The following SPTBN4 variants were observed in gnomAD, a reference collection of about 807,000 sequenced individuals.
SPTBN4 encodes the protein spectrin beta chain, non-erythrocytic 4.
Under a neutral mutation model 277.8 loss-of-function variants are expected in SPTBN4, and 96 were observed. The observed-to-expected ratio is 0.35, with a 90% CI of 0.29 to 0.41. SPTBN4 has a LOEUF of 0.41. Among genes scored for constraint, SPTBN4 ranks in the 10% least tolerant of loss-of-function variants. The probability of loss-of-function intolerance (pLI) is 1.00; values close to 1 mark genes in which losing one functional copy is unlikely to be tolerated. For synonymous variants in SPTBN4, 1,481 were observed against 1,580.3 expected (o/e 0.94, Z 1.49); for missense variants, 3,006 against 3,595.7 (o/e 0.84, Z 4.19).
intron 17 of SPTBN4, among the ~76,000 whole-genome samples, chr19:40,525,378 A>C (rs1173944454): frequency 2.1e-5 from 3 of 142,100 alleles, no homozygotes; most frequent in African/African-American, 8.0e-5. Context: ...GCTGGAGTGC[A>C]GTGGTGCAAT....
In SPTBN4 at chr19:40,487,742, A is replaced by G. The variant is rs2080088634; in HGVS notation, c.215A>G (p.Asn72Ser). The change falls in exon 3 of 36, where the codon AAC (asparagine) becomes AGC (serine). Residue 72 changes from asparagine to serine, a missense_variant. Physicochemically the swap from Asn to Ser is conservative, Grantham distance 46. Transcript: ENST00000598249. ...VQKKTFTKWVNSHLARVGCHI... is the reference protein window; with the variant it reads ...VQKKTFTKWVSSHLARVGCHI... ...AAGAAAACCTTCACCAAGTGGGTGA[A>G]CTCGCACCTCGCCCGCGTGGGCTGC... is the stretch of plus-strand genomic sequence containing the variant. 2.5e-6 allele frequency: 4 copies of G among 1,612,810 alleles called. No homozygotes were observed. The highest frequency in any genetic ancestry group is 3.4e-6 in the Non-Finnish European group (4 of 1,179,644).
chr19:40,567,059 A>G, intron 30 of SPTBN4: 1 of 451,370 alleles, frequency 2.2e-6, no homozygotes, highest in Admixed American at 2.4e-5. Context: ...AGGCGGGAGG[A>G]TCACTTGAAC....
intron 2 of SPTBN4, among the ~76,000 whole-genome samples, chr19:40,484,179 A>G (rs997921641): frequency 4.6e-5 from 7 of 152,294 alleles, no homozygotes; most frequent in Non-Finnish European, 8.8e-5. Flanking sequence ...CATTCTTTCC[A>G]TATTTTGTAC....
chr19:40,497,874 C>A (rs1032754269), intron 7 of SPTBN4, among the ~76,000 whole-genome samples: 9 of 151,488 alleles, frequency 5.9e-5, no homozygotes, highest in Admixed American at 3.3e-4. Flanking sequence ...CTTCCCCATT[C>A]TCAATTTCCA....
At chr19:40,548,887 C>T (rs2080885776) in intron 20 of SPTBN4, among the ~76,000 whole-genome samples, 1 of 152,282 alleles carries the variant, frequency 6.6e-6, no homozygotes, top group Admixed American at 6.5e-5. Context: ...AATTAATGGA[C>T]CACTTTAGTT....
Position 40,566,181 on chromosome 19 carries a change from T to A in SPTBN4, c.6158T>A (p.Phe2053Tyr). ...TCCTCAGTGCTGGAGGTGCACCAGT[T>A]TGCCCAGGAGGCGGTGGTGGCTGAT... ...WLQQMLEVHQ[F>Y]AQEAVVADAW... is the part of the protein sequence containing the mutation. The change falls in exon 30 of 36, where the codon TTT (phenylalanine) becomes TAT (tyrosine). Residue 2053 changes from phenylalanine to tyrosine, a missense_variant. By Grantham distance (22) the Phe-to-Tyr change is conservative. Coordinates refer to ENST00000598249, the MANE Select transcript of SPTBN4 (RefSeq NM_020971.3). The A allele has an allele frequency of 6.5e-7, 1 of 1,533,642 alleles. No individual in the cohort carries two copies. The highest frequency in any genetic ancestry group is 8.8e-7 in the Non-Finnish European group (1 of 1,136,194).
At chr19:40,562,252 G>A (rs1298138147) in intron 27 of SPTBN4, among the ~76,000 whole-genome samples, 1 of 152,100 alleles carries the variant, frequency 6.6e-6, no homozygotes, top group East Asian at 1.9e-4. Context: ...AAAATAGGCC[G>A]GGCATGGTGG....
intron 5 of SPTBN4, among the ~76,000 whole-genome samples, chr19:40,494,573 C>G (rs921932934): frequency 1.6e-4 from 25 of 151,932 alleles, no homozygotes; most frequent in African/African-American, 5.8e-4. Context: ...TATCTTCTAT[C>G]AATCTATATA....
chr19:40,509,643 G>A (rs890328983), intron 13 of SPTBN4, among the ~76,000 whole-genome samples: 7 of 152,224 alleles, frequency 4.6e-5, no homozygotes, highest in African/African-American at 1.7e-4. Flanking sequence ...AGGAAACTGA[G>A]GCCCAGGCCA....
chr19:40,473,968 C>G (rs1243012504), intron 2 of SPTBN4, among the ~76,000 whole-genome samples: 1 of 150,192 alleles, frequency 6.7e-6, no homozygotes, highest in African/African-American at 2.4e-5. Context: ...ATAGTGAAAC[C>G]CTGTCTCTAC....
chr19:40,565,295 AGAAAG>A, intron 27 of SPTBN4, 123 bp from the exon 28 acceptor site: 1 of 1,120,978 alleles, frequency 8.9e-7, no homozygotes, highest in South Asian at 1.6e-5. Flanking sequence ...AGAAAAGAAA[AGAAAG>A]TAAGTGTCTT....
chr19:40,501,182 G>A (rs1054690860), intron 7 of SPTBN4, among the ~76,000 whole-genome samples: 4 of 151,680 alleles, frequency 2.6e-5, no homozygotes, highest in Admixed American at 6.6e-5. Flanking sequence ...AGGCTGCAGT[G>A]AGCTATGATT....
rs2145868739 is a variant in SPTBN4 at position 40,514,952 on chromosome 19, A to G, written c.2766-359A>G. Among the ~76,000 whole-genome samples, 3 of 151,888 alleles carry G rather than the reference A, an allele frequency of 2.0e-5. No homozygotes were observed. The South Asian group carries it at 6.2e-4, about 32-fold the overall frequency. ...AAATCCCGTTTCTACTAAAAATAGA[A>G]AAGTTAGCTGGGCGTGGTGGCGCAT... On this transcript the variant is annotated intron_variant, in intron 14 of 35. Coordinates refer to ENST00000598249, the MANE Select transcript of SPTBN4 (RefSeq NM_020971.3).
At position 40,519,617 on chromosome 19, in the gene SPTBN4, C is replaced by A; in HGVS notation, c.3120C>A (p.Ala1040=). ...ALQALEPRQA[A]LLEEAALLAE... ...AGGCGCTGGAGCCGCGCCAGGCGGC[C>A]CTTCTGGAGGAGGCAGCCCTGCTGG... The change falls in exon 16 of 36, where the codon GCC becomes GCA. Residue 1040 remains alanine, a synonymous_variant. Transcript: ENST00000598249. This position sits in a 1 kb window ranked among gnomAD's most constrained non-coding sequence, Gnocchi z 5.7. The A allele has an allele frequency of 6.9e-7, 1 of 1,448,092 alleles. No individual in the cohort carries two copies. The highest frequency in any genetic ancestry group is 9.0e-7 in the Non-Finnish European group (1 of 1,112,228). 89.7% of individuals were successfully genotyped at this position (1,448,092 alleles called of 1,614,324 possible).
chr19:40,502,498 T>C lies in SPTBN4; in HGVS notation c.1194T>C (p.Asp398=), dbSNP rs765566860. 4.3e-6 allele frequency: 7 copies of C among 1,612,402 alleles called. No homozygotes were observed. The highest frequency in any genetic ancestry group is 3.3e-5 in the Admixed American group (2 of 59,934). Residue 398 remains aspartate, a synonymous_variant, in exon 10 of 36, where the codon GAT becomes GAC. Transcript: ENST00000598249. The surrounding 1 kb of genome is among the most constrained non-coding windows in gnomAD (Gnocchi z 4.9). ...CTCGGGAGGGCTGTGGCATCTGGGA[T>C]ATTGACAAGGTGAGGCCGGGGATGC... The part of the protein sequence containing the change: ...FVPREGCGIW[D]IDKAWGELEK...
chr19:40,514,290 C>T (rs1322378244), intron 14 of SPTBN4, among the ~76,000 whole-genome samples: 1 of 152,216 alleles, frequency 6.6e-6, no homozygotes, highest in Admixed American at 6.5e-5. Context: ...TGCAGTTGCC[C>T]AGTTCTTTGA....
Position 40,480,333 on chromosome 19 carries a change from T to C in SPTBN4, c.170-7364T>C, listed in dbSNP as rs143766298. On this transcript the variant is annotated intron_variant, in intron 2 of 35. Transcript: ENST00000598249. ...TACTCAAAAGACTGAGGTGGGAAGA[T>C]TGCTTGAGCCCGAGTTCCAGGCTGC... is the stretch of plus-strand genomic sequence containing the variant. Among the ~76,000 whole-genome samples the C allele has an allele frequency of 2.1e-3, 323 of 151,586 alleles. 1 individual carries two copies. Among genetic ancestry groups the C allele is most frequent in the Non-Finnish European group, 3.7e-3 (250 of 67,954 alleles).
chr19:40,512,030 A>G (rs1455110003), intron 13 of SPTBN4, among the ~76,000 whole-genome samples: 1 of 152,214 alleles, frequency 6.6e-6, no homozygotes, highest in Admixed American at 6.5e-5. Context: ...AGGCTGAGGC[A>G]GGAGAATCGC....
At chr19:40,545,138 C>G (rs528148664) in intron 20 of SPTBN4, among the ~76,000 whole-genome samples, 2 of 151,956 alleles carry the variant, frequency 1.3e-5, no homozygotes, top group East Asian at 1.9e-4. Flanking sequence ...CTGTGTCACC[C>G]AGGCTGAATT....
Sources: allele counts gnomAD v4.1 joint callset (sites outside exome capture counted in the v4.1 genomes callset), GRCh38; gene constraint gnomAD v4.1.1; non-coding constraint Gnocchi (gnomAD v3.1); transcripts MANE v1.5; gene names NCBI Gene and HGNC (gene_info 2026-07-23, HGNC 2026-07-21).